PARP14: variants seen among roughly 807,000 people sequenced by gnomAD.
PARP14 encodes poly(ADP-ribose) polymerase family member 14.
In PARP14, 59 loss-of-function variants were observed where a neutral mutation model predicts 154.2. The ratio of observed to expected loss-of-function variants is 0.38; its 90% CI spans 0.31 to 0.48. The LOEUF (loss-of-function observed/expected upper bound fraction) is 0.48. Among genes scored for constraint, PARP14 ranks in the 20% least tolerant of loss-of-function variants. The pLI is 0.98. For missense variants in PARP14, 1,734 were observed against 2,131.6 expected (o/e 0.81, Z 3.67); for synonymous variants, 720 against 780.5 (o/e 0.92, Z 1.29).
chr3:122,703,948 G>A lies in PARP14; in HGVS notation c.3288G>A (p.Glu1096=), dbSNP rs1251497845. The change falls in exon 7 of 17, where the codon GAG becomes GAA. Residue 1096 remains glutamate (E), a synonymous_variant. Coordinates refer to ENST00000474629, the MANE Select transcript of PARP14 (RefSeq NM_017554.3). ...ATGTGCTTCACGTGGTAGCTCCGGA[G>A]TGGAGAAATGGTAGCACATCTTCAC... The part of the protein sequence containing the change: ...CRYVLHVVAP[E]WRNGSTSSLK... 1 of 1,613,836 alleles carries A rather than the reference G, an allele frequency of 6.2e-7. No homozygotes were observed. The highest frequency in any genetic ancestry group is 8.5e-7 in the Non-Finnish European group (1 of 1,179,728).
intron 5 of PARP14, 24 bp downstream of exon 5, chr3:122,695,686 C>A: frequency 8.9e-7 from 1 of 1,121,614 alleles, no homozygotes; most frequent in Non-Finnish European, 1.3e-6. Flanking sequence ...ACCTGTCATA[C>A]CTGGCATAAT....
At chr3:122,720,843 C>T (rs1401405345) in intron 15 of PARP14, 2 of 456,598 alleles carry the variant, frequency 4.4e-6, no homozygotes, top group East Asian at 1.4e-4. Flanking sequence ...TGTGATGATT[C>T]GTGCCTGTAG....
intron 3 of PARP14, among the ~76,000 whole-genome samples, chr3:122,690,672 C>T (rs905013724): frequency 6.6e-6 from 1 of 152,124 alleles, no homozygotes; most frequent in Admixed American, 6.5e-5. Context: ...TTACCACACT[C>T]GGCTAATTTT....
At position 122,680,851 on chromosome 3, in the gene PARP14, GCCC is replaced by G. The variant is rs1461784772; in HGVS notation, c.-31_-29del. 6.4e-7 allele frequency: 1 copy of G among 1,553,952 alleles called. No individual in the cohort carries two copies. Among genetic ancestry groups the G allele is most frequent in the East Asian group, 2.3e-5 (1 of 42,910 alleles). Reference sequence around the variant, plus strand: ...AAGTTAGCGGCCCGGAGTTGGCGCGGCCCCTGCAGTCCGGCGGAGAGCGGAGCT... The same window carrying G: ...AAGTTAGCGGCCCGGAGTTGGCGCGGCTGCAGTCCGGCGGAGAGCGGAGCT... On this transcript the variant is annotated 5_prime_UTR_variant, in exon 1 of 17. Transcript: ENST00000474629.
chr3:122,715,640 A>G (rs139130098), intron 12 of PARP14, among the ~76,000 whole-genome samples: 1 of 149,882 alleles, frequency 6.7e-6, no homozygotes, highest in Non-Finnish European at 1.5e-5. Context: ...CTATCTATCT[A>G]TCTATCTATC....
At chr3:122,693,939 T>A (rs1167444658) in intron 4 of PARP14, among the ~76,000 whole-genome samples, 1 of 152,186 alleles carries the variant, frequency 6.6e-6, no homozygotes, top group Non-Finnish European at 1.5e-5. Context: ...CTATTCTTAT[T>A]TCAAATTTAT....
Position 122,701,485 on chromosome 3 carries a change from A to T in PARP14, c.2931A>T (p.Val977=). The T allele has an allele frequency of 6.2e-7, 1 of 1,613,918 alleles. No homozygotes were observed. The highest frequency in any genetic ancestry group is 1.1e-5 in the South Asian group (1 of 91,058). Residue 977 remains valine, a synonymous_variant, in exon 6 of 17, where the codon GTA becomes GTT. Coordinates refer to ENST00000474629, the MANE Select transcript of PARP14 (RefSeq NM_017554.3). This position sits in a 1 kb window ranked among gnomAD's most constrained non-coding sequence, Gnocchi z 4.0. ...CCTTTGCAGAAGCTGTGAAAACTGTATTTAAAGCCACCCTGCCAGATACAG... is the reference window on the plus strand; with the variant it reads ...CCTTTGCAGAAGCTGTGAAAACTGTTTTTAAAGCCACCCTGCCAGATACAG... ...VEAFAEAVKT[V]FKATLPDTAA...
chr3:122,687,179 T>C lies in PARP14; in HGVS notation c.355+66T>C, dbSNP rs900832840. The C allele has an allele frequency of 1.6e-5, 18 of 1,133,758 alleles. No homozygotes were observed. In the African/African-American group the frequency reaches 2.1e-4, roughly 14 times the overall value. 70.2% of individuals were successfully genotyped at this position (1,133,758 alleles called of 1,614,324 possible). On this transcript the variant is annotated intron_variant, in intron 3 of 16. Coordinates refer to ENST00000474629, the MANE Select transcript of PARP14 (RefSeq NM_017554.3). ...GTTTTGCATTTATTAAAGGCAGCAC[T>C]TGAGGGAGTCAGCCCTCTCTTCTTG...
chr3:122,703,050 G>T (rs929714883), intron 6 of PARP14, among the ~76,000 whole-genome samples: 2 of 148,450 alleles, frequency 1.3e-5, no homozygotes, highest in Admixed American at 6.7e-5. Context: ...GTCATAGTTT[G>T]CTTTCCTTTC....
Position 122,699,660 on chromosome 3 carries a change from C to T in PARP14, c.1106C>T (p.Ala369Val), listed in dbSNP as rs1260281742. Residue 369 changes from alanine (A) to valine (V), a missense_variant, in exon 6 of 17, where the codon GCA becomes GTA. Physicochemically the swap from Ala to Val is moderately conservative, Grantham distance 64. Coordinates refer to ENST00000474629, the MANE Select transcript of PARP14 (RefSeq NM_017554.3). Reference protein sequence around the residue: ...QLSGKVTIRPAATLVNEGRPR... With the variant: ...QLSGKVTIRPVATLVNEGRPR... The stretch of plus-strand genomic sequence containing the variant: ...AGTGGTAAAGTTACCATCAGACCAG[C>T]AGCCACCTTAGTCAATGAAGGAAGA... 6.2e-7 allele frequency: 1 copy of T among 1,614,050 alleles called. No homozygotes were observed. Among genetic ancestry groups the T allele is most frequent in the Admixed American group, 1.7e-5 (1 of 60,032 alleles).
intron 1 of PARP14, among the ~76,000 whole-genome samples, chr3:122,682,643 G>T (rs1314242678): frequency 6.6e-6 from 1 of 152,280 alleles, no homozygotes; most frequent in East Asian, 1.9e-4. Context: ...CAGTCTTCCT[G>T]CTGGGCTTCC....
chr3:122,710,872 T>G (rs1244170873), intron 9 of PARP14, among the ~76,000 whole-genome samples: 1 of 151,914 alleles, frequency 6.6e-6, no homozygotes, highest in Non-Finnish European at 1.5e-5. Context: ...GATTGAGCTT[T>G]GATTTGATTC....
In PARP14 at chr3:122,698,968, G is replaced by A. The variant is rs1277969049; in HGVS notation, c.836-422G>A. On this transcript the variant is annotated intron_variant, in intron 5 of 16. Transcript: ENST00000474629. ...TTCTCACGATTGTGACCAAACTCAT[G>A]TATTTCTTAACATGATGGTGATATA... is the stretch of plus-strand genomic sequence containing the variant. 2.6e-5 allele frequency among the ~76,000 whole-genome samples: 4 copies of A among 152,172 alleles called. No homozygotes were observed. In the South Asian group the frequency reaches 6.2e-4, roughly 24 times the overall value.
intron 12 of PARP14, among the ~76,000 whole-genome samples, chr3:122,716,844 C>T (rs1359964526): frequency 6.6e-6 from 1 of 152,212 alleles, no homozygotes; most frequent in African/African-American, 2.4e-5. Flanking sequence ...ATAGTTCCAT[C>T]TGGCATAGCC....
chr3:122,683,388 G>A (rs550039055), intron 1 of PARP14: 222 of 472,456 alleles, frequency 4.7e-4, no homozygotes, highest in African/African-American at 2.7e-3. Context: ...GCACTTCTCC[G>A]TATTTATTCA....
In PARP14 at chr3:122,728,316, T is replaced by C. The variant is rs1159159889; in HGVS notation, c.5125T>C (p.Tyr1709His). 9 of 1,612,226 alleles carry C rather than the reference T, an allele frequency of 5.6e-6. No homozygotes were observed. Among genetic ancestry groups the C allele is most frequent in the East Asian group, 2.2e-5 (1 of 44,852 alleles). Reference sequence around the variant, plus strand: ...GGTTTTTCTTTTCACAGCTGTGGCATATGGAAAGGGAACCTATTTTGCTGT... The same window carrying C: ...GGTTTTTCTTTTCACAGCTGTGGCACATGGAAAGGGAACCTATTTTGCTGT... ...RSYAGKNAVA[Y>H]GKGTYFAVNA... Residue 1709 changes from tyrosine to histidine, a missense_variant, in exon 17 of 17, where the codon TAT becomes CAT. Tyr to His is a moderately conservative substitution (Grantham distance 83). Transcript: ENST00000474629.
At chr3:122,704,811 T>C (rs1939100485) in intron 8 of PARP14, 63 bp downstream of exon 8, 1 of 897,494 alleles carries the variant, frequency 1.1e-6, no homozygotes, top group Admixed American at 2.4e-5. Context: ...TCAAATGTCT[T>C]TTTGGTCTAA....
rs1324351274 is a variant in PARP14, at chr3:122,692,504, G to T, written c.559G>T (p.Asp187Tyr). Reference sequence around the variant, plus strand: ...TGACTTTCAAGTGGAAATAATAAGAGATTTTGATGTTGCTGTTGTTACCTT... The same window carrying T: ...TGACTTTCAAGTGGAAATAATAAGATATTTTGATGTTGCTGTTGTTACCTT... ...NDDFQVEIIR[D>Y]FDVAVVTFQK... Residue 187 changes from aspartate (D) to tyrosine (Y), a missense_variant, in exon 4 of 17, where the codon GAT becomes TAT. By Grantham distance (160) the Asp-to-Tyr change is radical. Transcript: ENST00000474629. 6.2e-7 allele frequency: 1 copy of T among 1,612,578 alleles called. No individual in the cohort carries two copies.
At chr3:122,692,773 G>T (rs1312700517) in intron 4 of PARP14, among the ~76,000 whole-genome samples, 1 of 152,224 alleles carries the variant, frequency 6.6e-6, no homozygotes, top group African/African-American at 2.4e-5. Context: ...CCAAGTGTGT[G>T]TGTGTGACTG....
Sources: gnomAD v4.1 joint callset for allele counts (sites outside exome capture counted in the v4.1 genomes callset) on GRCh38, gnomAD v4.1.1 for gene constraint, Gnocchi (gnomAD v3.1) non-coding constraint, MANE v1.5 for transcripts, NCBI Gene and HGNC (gene_info 2026-07-23, HGNC 2026-07-21) for gene names.